The following ATF7 variants were observed in gnomAD, a reference collection of about 807,000 sequenced individuals.
The protein encoded by ATF7 is cyclic AMP-dependent transcription factor ATF-7.
Under a neutral mutation model 50.4 loss-of-function variants are expected in ATF7, and 10 were observed. The ratio of observed to expected loss-of-function variants is 0.20; its 90% CI spans 0.12 to 0.34. The LOEUF (loss-of-function observed/expected upper bound fraction) is 0.34, where lower values mean the gene tolerates loss of function less well. Among genes scored for constraint, ATF7 ranks in the 10% least tolerant of loss-of-function variants. The probability of loss-of-function intolerance (pLI) is 1.00; values close to 1 mark genes in which losing one functional copy is unlikely to be tolerated. For synonymous variants in ATF7, 201 were observed against 226.4 expected, an observed-to-expected ratio of 0.89 and a Z score of 1.01; for missense variants, 465 against 613.9, an observed-to-expected ratio of 0.76 and a Z score of 2.56.
At chr12:53,529,732 C>CACAT (rs752667333) in intron 9 of ATF7, among the ~76,000 whole-genome samples, 1 of 142,292 alleles carries the variant, frequency 7.0e-6, no homozygotes, top group Non-Finnish European at 1.5e-5. Flanking sequence ...CACACACACA[C>CACAT]ACATATATAT....
intron 2 of ATF7, among the ~76,000 whole-genome samples, chr12:53,563,025 C>T (rs546579702): frequency 6.6e-6 from 1 of 152,212 alleles, no homozygotes; most frequent in East Asian, 1.9e-4. Context: ...TCTACTAACA[C>T]TTTCTACCCA....
chr12:53,568,844 G>T (rs1941594647), intron 2 of ATF7, among the ~76,000 whole-genome samples: 1 of 152,166 alleles, frequency 6.6e-6, no homozygotes, highest in Non-Finnish European at 1.5e-5. Flanking sequence ...ACTCAAAGAA[G>T]GCAGGCAGGC....
chr12:53,525,034 A>G lies in ATF7; in HGVS notation c.928-273T>C, dbSNP rs1197153296. On this transcript the variant is annotated intron_variant, in intron 9 of 11. Coordinates refer to ENST00000420353, the MANE Select transcript of ATF7 (RefSeq NM_006856.3). The stretch of plus-strand genomic sequence containing the variant: ...TTTATAAGACAGACAGACAAATGAA[A>G]CCACGGTTACTTTTTGTTTCTTAAC... 1.4e-5 allele frequency: 5 copies of G among 358,246 alleles called. No individual in the cohort carries two copies. The South Asian group carries it at 2.9e-4, about 21-fold the overall frequency. 22.2% of individuals were successfully genotyped at this position (358,246 alleles called of 1,614,324 possible).
chr12:53,619,718 A>G (rs1452575818), intron 1 of ATF7, among the ~76,000 whole-genome samples: 1 of 151,028 alleles, frequency 6.6e-6, no homozygotes, highest in Admixed American at 6.6e-5. Flanking sequence ...AGGCGGAGGC[A>G]GGATAATCAC....
chr12:53,532,553 G>A lies in ATF7; in HGVS notation c.731C>T (p.Ser244Phe). 6.2e-7 allele frequency: 1 copy of A among 1,608,002 alleles called. No individual in the cohort carries two copies. Among genetic ancestry groups the A allele is most frequent in the East Asian group, 2.2e-5 (1 of 44,734 alleles). The change falls in exon 8 of 12, where the codon TCC becomes TTC. Residue 244 changes from serine to phenylalanine, a missense_variant. Coordinates refer to ENST00000420353, the MANE Select transcript of ATF7 (RefSeq NM_006856.3). Reference sequence around the variant, plus strand: ...TATAGGGTGGCCAGAGGGAGAAATGGAGCCACTACTGTTAACTGGTGGGCC... The same window carrying A: ...TATAGGGTGGCCAGAGGGAGAAATGAAGCCACTACTGTTAACTGGTGGGCC... ...IPGPPVNSSGSISPSGHPIPS... is the reference protein window; with the variant it reads ...IPGPPVNSSGFISPSGHPIPS...
intron 2 of ATF7, among the ~76,000 whole-genome samples, chr12:53,555,684 A>G (rs1194894730): frequency 6.6e-6 from 1 of 150,770 alleles, no homozygotes; most frequent in African/African-American, 2.4e-5. Flanking sequence ...CTAATTTTGT[A>G]TTTTTGATAG....
At chr12:53,534,696 A>C (rs1385916777) in intron 5 of ATF7, 37 bp from the exon 6 acceptor site, 1 of 1,600,214 alleles carries the variant, frequency 6.2e-7, no homozygotes, top group African/African-American at 1.4e-5. Flanking sequence ...AAAATGTTTT[A>C]AGGTGTGCTT....
At chr12:53,518,261 G>A (rs1937852494) in intron 11 of ATF7, among the ~76,000 whole-genome samples, 1 of 152,278 alleles carries the variant, frequency 6.6e-6, no homozygotes, top group South Asian at 2.1e-4. Context: ...TGAATGGCCA[G>A]TCCCTGGCCC....
downstream of ATF7, among the ~76,000 whole-genome samples, chr12:53,508,390 T>C (rs536827592): frequency 2.0e-5 from 3 of 151,500 alleles, no homozygotes; most frequent in South Asian, 6.3e-4. Context: ...GGTGAAACCC[T>C]GTCTACTAAA....
At chr12:53,546,530 C>T (rs1939929640) in intron 3 of ATF7, among the ~76,000 whole-genome samples, 1 of 151,262 alleles carries the variant, frequency 6.6e-6, no homozygotes, top group African/African-American at 2.4e-5. Context: ...CTCACTGCAA[C>T]CTCCACCTCC....
In ATF7 at chr12:53,524,438, A is replaced by C. The variant is rs1295059692; in HGVS notation, c.1125+126T>G. 3 of 1,087,840 alleles carry C rather than the reference A, an allele frequency of 2.8e-6. No individual in the cohort carries two copies. The African/African-American group carries it at 4.7e-5, about 17-fold the overall frequency. The allele number at this position is 1,087,840 out of a possible 1,614,324, so 67.4% of individuals were successfully genotyped here. ...AACTCTGACCGTTAAGAGATTCTTC[A>C]TGGGACAACTAGATCTGTCCTAATT... On this transcript the variant is annotated intron_variant, in intron 10 of 11. Transcript: ENST00000420353. The surrounding 1 kb of genome is among the most constrained non-coding windows in gnomAD (Gnocchi z 4.6).
At chr12:53,525,769 A>C (rs1938413607) in intron 9 of ATF7, among the ~76,000 whole-genome samples, 1 of 152,152 alleles carries the variant, frequency 6.6e-6, no homozygotes, top group African/African-American at 2.4e-5. Flanking sequence ...GTTAGTTGGG[A>C]TGCACTTGGA....
intron 3 of ATF7, among the ~76,000 whole-genome samples, chr12:53,549,758 G>A (rs1465690296): frequency 2.6e-5 from 4 of 151,990 alleles, no homozygotes; most frequent in Non-Finnish European, 5.9e-5. Flanking sequence ...GCTAATTTTT[G>A]TATTTTTAGT....
Position 53,534,615 on chromosome 12 carries a change from G to A in ATF7, c.447C>T (p.Thr149=), listed in dbSNP as rs1179904916. The A allele has an allele frequency of 3.1e-6, 5 of 1,613,344 alleles. No individual in the cohort carries two copies. The highest frequency in any genetic ancestry group is 4.2e-6 in the Non-Finnish European group (5 of 1,179,690). ...GAGGCAGGGAGCCAGGACGTACAAT[G>A]GTGGGTGTGGGGGTAGAGATCAGAA... ...KPVLISTPTP[T]IVRPGSLPLH... is the part of the protein sequence containing the mutation. Residue 149 remains threonine, a synonymous_variant, in exon 6 of 12, where the codon ACC becomes ACT. Transcript: ENST00000420353.
At chr12:53,552,800 G>A (rs558269663) in intron 2 of ATF7, among the ~76,000 whole-genome samples, 163 bp from the exon 3 acceptor site, 29 of 152,250 alleles carry the variant, frequency 1.9e-4, no homozygotes, top group African/African-American at 6.7e-4. Context: ...GGAGAAAAAA[G>A]GGTGCTAGAA....
chr12:53,575,024 C>A, intron 2 of ATF7: 1 of 174,426 alleles, frequency 5.7e-6, no homozygotes, highest in South Asian at 1.3e-4. Context: ...GTAATCCCAG[C>A]ACTTTGGGAG....
At chr12:53,594,286 T>C (rs1008794479) in intron 2 of ATF7, among the ~76,000 whole-genome samples, 5 of 152,216 alleles carry the variant, frequency 3.3e-5, no homozygotes, top group African/African-American at 1.2e-4. Flanking sequence ...GAGAACAGTT[T>C]CTGGGCTCCC....
At chr12:53,560,948 CTTT>C (rs112538823) in intron 2 of ATF7, among the ~76,000 whole-genome samples, 7 of 137,720 alleles carry the variant, frequency 5.1e-5, no homozygotes, top group Admixed American at 7.3e-5. Flanking sequence ...TCTTTTCTTT[CTTT>C]TTTTTTTTTT....
chr12:53,543,380 T>C lies in ATF7; in HGVS notation c.214A>G (p.Ser72Gly). ...EEVGLFNELA[S>G]SFEHEFKKAA... ...TTCTTGAATTCATGTTCAAAGGAGC[T>C]AGCTAGTTCATTGAAGAGTCCCACC... is the stretch of plus-strand genomic sequence containing the variant. Residue 72 changes from serine to glycine, a missense_variant, in exon 4 of 12, where the codon AGC becomes GGC. By Grantham distance (56) the Ser-to-Gly change is moderately conservative. Transcript: ENST00000420353. 6.2e-7 allele frequency: 1 copy of C among 1,601,708 alleles called. No homozygotes were observed. Among genetic ancestry groups the C allele is most frequent in the South Asian group, 1.1e-5 (1 of 88,644 alleles).
Sources: allele counts gnomAD v4.1 joint callset (sites outside exome capture counted in the v4.1 genomes callset), GRCh38; gene constraint gnomAD v4.1.1; non-coding constraint Gnocchi (gnomAD v3.1); transcripts MANE v1.5; gene names NCBI Gene and HGNC (gene_info 2026-07-23, HGNC 2026-07-21).